TM4SF18: variants seen among roughly 807,000 people sequenced by gnomAD.
TM4SF18 encodes the protein transmembrane 4 L six family member 18.
Under a neutral mutation model 23.8 loss-of-function variants are expected in TM4SF18, and 22 were observed. The ratio of observed to expected loss-of-function variants is 0.92; its 90% CI spans 0.66 to 1.32. The LOEUF (loss-of-function observed/expected upper bound fraction) is 1.32, where lower values mean the gene tolerates loss of function less well. TM4SF18 is among the 40% of genes most tolerant of loss of function. The probability of loss-of-function intolerance (pLI) is 0.00; values close to 1 mark genes in which losing one functional copy is unlikely to be tolerated. For missense variants in TM4SF18, 255 were observed against 240.3 expected, an observed-to-expected ratio of 1.06 and a Z score of -0.41; for synonymous variants, 87 against 87.9, an observed-to-expected ratio of 0.99 and a Z score of 0.06.
chr3:149,327,186 G>A (rs953623312), intron 3 of TM4SF18, among the ~76,000 whole-genome samples: 10 of 152,214 alleles, frequency 6.6e-5, no homozygotes, highest in African/African-American at 2.2e-4. Flanking sequence ...CTGACCTCAG[G>A]GGATCCACCT....
chr3:149,322,906 T>A (rs947711077), intron 4 of TM4SF18, among the ~76,000 whole-genome samples: 2 of 21,358 alleles, frequency 9.4e-5, no homozygotes, highest in African/African-American at 2.5e-4. Context: ...GCCTCCAGAC[T>A]TTTTTTTTTT....
chr3:149,333,604 GGTTTACT>G lies in TM4SF18; in HGVS notation c.-116_-110del. ...GCCGACAATCTCAGTGTGAAATACT[GGTTTACT>G]GTTTGGAGAACAATAGACAATGATC... On this transcript the variant is annotated 5_prime_UTR_variant, in exon 1 of 6. Coordinates refer to ENST00000296059, the MANE Select transcript of TM4SF18 (RefSeq NM_138786.4). 2 of 413,456 alleles carry G rather than the reference GGTTTACT, an allele frequency of 4.8e-6. No homozygotes were observed. The highest frequency in any genetic ancestry group is 7.0e-5 in the East Asian group (2 of 28,576). The allele number at this position is 413,456 out of a possible 1,614,324, so 25.6% of individuals were successfully genotyped here.
chr3:149,327,842 C>G (rs1384567611), intron 3 of TM4SF18, among the ~76,000 whole-genome samples: 2 of 152,102 alleles, frequency 1.3e-5, no homozygotes, highest in African/African-American at 4.8e-5. Context: ...CATACACACA[C>G]ATGCACACGC....
rs1442252437 is a variant in TM4SF18 at position 149,320,863 on chromosome 3, T to A, written c.*615A>T. Reference sequence around the variant, plus strand: ...CCCCAAACCAAGCATAATTGGCATTTTGTTATATTTCCTTTTAGATTTAGT... The same window carrying A: ...CCCCAAACCAAGCATAATTGGCATTATGTTATATTTCCTTTTAGATTTAGT... On this transcript the variant is annotated 3_prime_UTR_variant, in exon 6 of 6. Transcript: ENST00000296059. The A allele has an allele frequency of 1.3e-5, 2 of 152,172 alleles. No homozygotes were observed. Among genetic ancestry groups the A allele is most frequent in the African/African-American group, 4.8e-5 (2 of 41,454 alleles). The allele number at this position is 152,172 out of a possible 1,614,324, so 9.4% of individuals were successfully genotyped here.
At position 149,320,100 on chromosome 3, in the gene TM4SF18, C is replaced by T. The variant is rs115343467; in HGVS notation, c.*1378G>A. 1.3e-5 allele frequency: 2 copies of T among 152,456 alleles called. No individual in the cohort carries two copies. Among genetic ancestry groups the T allele is most frequent in the Non-Finnish European group, 2.9e-5 (2 of 68,132 alleles). The allele number at this position is 152,456 out of a possible 1,614,324, so 9.4% of individuals were successfully genotyped here. On this transcript the variant is annotated 3_prime_UTR_variant, in exon 6 of 6. Transcript: ENST00000296059. ...GAAAGATATTCTCTTCCGTATCCCC[C>T]CAGCCTACTCCCTGGCTTTGGCACA...
At chr3:149,324,463 C>G (rs1730886848) in intron 4 of TM4SF18, among the ~76,000 whole-genome samples, 1 of 152,160 alleles carries the variant, frequency 6.6e-6, no homozygotes, top group South Asian at 2.1e-4. Context: ...ACCATGGTTT[C>G]TCTCCTCCTC....
At chr3:149,327,187 G>A (rs1289538038) in intron 3 of TM4SF18, among the ~76,000 whole-genome samples, 1 of 152,088 alleles carries the variant, frequency 6.6e-6, no homozygotes, top group Non-Finnish European at 1.5e-5. Context: ...TGACCTCAGG[G>A]GATCCACCTG....
chr3:149,320,858 G>T lies in TM4SF18; in HGVS notation c.*620C>A, dbSNP rs1371142074. On this transcript the variant is annotated 3_prime_UTR_variant, in exon 6 of 6. Transcript: ENST00000296059. ...CAATGCCCCAAACCAAGCATAATTG[G>T]CATTTTGTTATATTTCCTTTTAGAT... is the stretch of plus-strand genomic sequence containing the variant. 1.3e-5 allele frequency: 2 copies of T among 152,040 alleles called. No homozygotes were observed. The highest frequency in any genetic ancestry group is 4.8e-5 in the African/African-American group (2 of 41,414). 9.4% of individuals were successfully genotyped at this position (152,040 alleles called of 1,614,324 possible).
In TM4SF18 at chr3:149,326,878, C is replaced by T. The variant is rs112117701; in HGVS notation, c.268-1856G>A. Among the ~76,000 whole-genome samples, 1,085 of 152,326 alleles carry T rather than the reference C, an allele frequency of 7.1e-3. 15 individuals are homozygous for T. Among genetic ancestry groups the T allele is most frequent in the African/African-American group, 0.024 (1,010 of 41,572 alleles). On this transcript the variant is annotated intron_variant, in intron 3 of 5. Transcript: ENST00000296059. ...TTGAACATTTTCTTGCTTTCTGGCA[C>T]AAGATGTTCCAGGTTCATTTTGAGC...
chr3:149,320,042 A>G lies in TM4SF18; in HGVS notation c.*1436T>C, dbSNP rs1304840698. 4 of 152,472 alleles carry G rather than the reference A, an allele frequency of 2.6e-5. No individual in the cohort carries two copies. Among genetic ancestry groups the G allele is most frequent in the Admixed American group, 2.6e-4 (4 of 15,308 alleles). 9.4% of individuals were successfully genotyped at this position (152,472 alleles called of 1,614,324 possible). On this transcript the variant is annotated 3_prime_UTR_variant, in exon 6 of 6. Transcript: ENST00000296059. ...TCAGCAAAGGCTGTGAACAAGGCTT[A>G]AAGGGGGCTGTTGGCACAGCAGGCA...
At chr3:149,327,739 C>T (rs985945067) in intron 3 of TM4SF18, among the ~76,000 whole-genome samples, 3 of 152,068 alleles carry the variant, frequency 2.0e-5, no homozygotes, top group South Asian at 4.1e-4. Flanking sequence ...CTGAGTATGA[C>T]ATTAATATAT....
At chr3:149,326,826 T>C (rs1730959499) in intron 3 of TM4SF18, among the ~76,000 whole-genome samples, 1 of 152,246 alleles carries the variant, frequency 6.6e-6, no homozygotes. Context: ...TCAACTCCTA[T>C]GCCCTTTGAC....
At chr3:149,322,208 A>T in intron 5 of TM4SF18, 48 bp downstream of exon 5, 3 of 1,505,186 alleles carry the variant, frequency 2.0e-6, no homozygotes, top group Non-Finnish European at 2.7e-6. Context: ...AATCCTGGGA[A>T]GTGGGGGAAA....
chr3:149,333,447 T>G, intron 1 of TM4SF18, 48 bp from the exon 2 acceptor site: 1 of 1,223,640 alleles, frequency 8.2e-7, no homozygotes, highest in East Asian at 2.9e-5. Flanking sequence ...CTATTTTTCT[T>G]CTTCCTACCT....
chr3:149,329,210 A>G (rs1731030792), intron 3 of TM4SF18, among the ~76,000 whole-genome samples: 1 of 150,730 alleles, frequency 6.6e-6, no homozygotes, highest in Admixed American at 6.6e-5. Context: ...GTGTATTTTA[A>G]ATTTTCAATT....
At chr3:149,325,792 C>CT (rs1262029859) in intron 3 of TM4SF18, among the ~76,000 whole-genome samples, 2 of 152,154 alleles carry the variant, frequency 1.3e-5, no homozygotes, top group African/African-American at 4.8e-5. Flanking sequence ...GAAATCTGGA[C>CT]TTTATCCTTC....
At chr3:149,329,198 G>A (rs1402529522) in intron 3 of TM4SF18, among the ~76,000 whole-genome samples, 3 of 137,928 alleles carry the variant, frequency 2.2e-5, no homozygotes, top group South Asian at 4.7e-4. Context: ...ACACACACAC[G>A]AGTGTATTTT....
chr3:149,321,013 CTG>C lies in TM4SF18; in HGVS notation c.*463_*464del, dbSNP rs1418606902. ...ATTTTAAAAACATCATTTGTAATGA[CTG>C]TAATTTTACAACCATGTAGTACTCT... On this transcript the variant is annotated 3_prime_UTR_variant, in exon 6 of 6. Transcript: ENST00000296059. The C allele has an allele frequency of 2.6e-5, 4 of 151,992 alleles. No individual in the cohort carries two copies. The highest frequency in any genetic ancestry group is 9.7e-5 in the African/African-American group (4 of 41,374). The allele number at this position is 151,992 out of a possible 1,614,324, so 9.4% of individuals were successfully genotyped here.
At chr3:149,326,151 C>T (rs1274703608) in intron 3 of TM4SF18, among the ~76,000 whole-genome samples, 1 of 152,078 alleles carries the variant, frequency 6.6e-6, no homozygotes, top group African/African-American at 2.4e-5. Flanking sequence ...TTTTTTTGTA[C>T]AGGATCCAAT....
Sources: gnomAD v4.1 joint callset for allele counts (sites outside exome capture counted in the v4.1 genomes callset) on GRCh38, gnomAD v4.1.1 for gene constraint, MANE v1.5 for transcripts, NCBI Gene and HGNC (gene_info 2026-07-23, HGNC 2026-07-21) for gene names.